The following ZNF804A variants were observed in gnomAD, a reference collection of about 807,000 sequenced individuals.
ZNF804A encodes zinc finger protein 804A.
ZNF804A carries 2 observed loss-of-function variants against 16.5 expected under a neutral mutation model. The observed-to-expected ratio is 0.12, with a 90% CI of 0.05 to 0.38. The LOEUF (loss-of-function observed/expected upper bound fraction) is 0.38, where lower values mean the gene tolerates loss of function less well. Among genes scored for constraint, ZNF804A ranks in the 10% least tolerant of loss-of-function variants. ZNF804A has a pLI of 0.99. For synonymous variants in ZNF804A, 534 were observed against 489.6 expected, an observed-to-expected ratio of 1.09 and a Z score of -1.20; for missense variants, 1,473 against 1,390.7, an observed-to-expected ratio of 1.06 and a Z score of -0.94.
intron 1 of ZNF804A, among the ~76,000 whole-genome samples, chr2:184,640,850 C>A (rs1459467816): frequency 2.6e-5 from 4 of 152,148 alleles, no homozygotes; most frequent in African/African-American, 7.2e-5. Context: ...CATGAAAAAT[C>A]CACAATTTAC....
At chr2:184,925,063 T>C (rs1685588718) in intron 2 of ZNF804A, among the ~76,000 whole-genome samples, 1 of 151,968 alleles carries the variant, frequency 6.6e-6, no homozygotes, top group Non-Finnish European at 1.5e-5. Context: ...TCATTTATAG[T>C]ACAGGTTAAG....
intron 2 of ZNF804A, among the ~76,000 whole-genome samples, chr2:184,930,197 T>C (rs1035475679): frequency 1.3e-5 from 2 of 152,200 alleles, no homozygotes; most frequent in Admixed American, 1.3e-4. Context: ...ACCAAGACCC[T>C]GTATACCTAA....
intron 2 of ZNF804A, among the ~76,000 whole-genome samples, chr2:184,915,131 CAT>C (rs1267131140): frequency 2.6e-5 from 4 of 151,832 alleles, no homozygotes; most frequent in Non-Finnish European, 5.9e-5. Context: ...TGGGAAATAA[CAT>C]ATGGCAGAAA....
chr2:184,929,567 ATC>A lies in ZNF804A; in HGVS notation c.256-4034_256-4033del, dbSNP rs1685663900. ...GATTTTATTAAAAACAGTAAAGTCT[ATC>A]TTTTTGGTTTGTTGACTAGAGCTTT... On this transcript the variant is annotated intron_variant, in intron 2 of 3. Coordinates refer to ENST00000302277, the MANE Select transcript of ZNF804A (RefSeq NM_194250.2). Among the ~76,000 whole-genome samples, 5 of 152,122 alleles carry A rather than the reference ATC, an allele frequency of 3.3e-5. No homozygotes were observed. The South Asian group carries it at 1.0e-3, about 31-fold the overall frequency.
intron 2 of ZNF804A, among the ~76,000 whole-genome samples, chr2:184,926,510 C>T (rs1292179016): frequency 6.6e-6 from 1 of 151,950 alleles, no homozygotes; most frequent in African/African-American, 2.4e-5. Flanking sequence ...TCATGGTGTT[C>T]TATAACCTTC....
intron 1 of ZNF804A, among the ~76,000 whole-genome samples, chr2:184,807,292 T>A (rs1358358139): frequency 1.3e-5 from 2 of 151,886 alleles, no homozygotes; most frequent in East Asian, 3.8e-4. Context: ...AATTATGCTA[T>A]CAACTTGTGA....
chr2:184,898,407 T>C (rs1382133038), intron 2 of ZNF804A, among the ~76,000 whole-genome samples: 1 of 142,422 alleles, frequency 7.0e-6, no homozygotes, highest in Non-Finnish European at 1.5e-5. Context: ...AAAAATTACA[T>C]CACCTGCTTG....
intron 2 of ZNF804A, among the ~76,000 whole-genome samples, chr2:184,901,231 G>GA (rs1049711644): frequency 4.6e-5 from 7 of 151,976 alleles, no homozygotes; most frequent in Admixed American, 2.6e-4. Context: ...GATGTGAATG[G>GA]AAAAAAATAC....
intron 1 of ZNF804A, among the ~76,000 whole-genome samples, chr2:184,710,740 C>A (rs1693112630): frequency 6.6e-6 from 1 of 151,794 alleles, no homozygotes. Flanking sequence ...TTAGATTCCT[C>A]ATATAAATGA....
chr2:184,837,760 C>A (rs1230969314), intron 1 of ZNF804A, among the ~76,000 whole-genome samples: 4 of 152,126 alleles, frequency 2.6e-5, no homozygotes, highest in African/African-American at 7.2e-5. Context: ...GGAATAAGCT[C>A]GTGTATGAAG....
chr2:184,771,856 C>T (rs1188531462), intron 1 of ZNF804A, among the ~76,000 whole-genome samples: 1 of 151,938 alleles, frequency 6.6e-6, no homozygotes, highest in Non-Finnish European at 1.5e-5. Flanking sequence ...AATGTAATCT[C>T]AGGAGTGACA....
chr2:184,672,899 G>A (rs888254800), intron 1 of ZNF804A, among the ~76,000 whole-genome samples: 6 of 151,908 alleles, frequency 3.9e-5, no homozygotes, highest in Admixed American at 6.6e-5. Flanking sequence ...CCGCCACCAC[G>A]CCCAGCTAAT....
Position 184,936,833 on chromosome 2 carries a change from C to T in ZNF804A, c.1437C>T (p.Asp479=). The T allele has an allele frequency of 6.2e-7, 1 of 1,612,570 alleles. No homozygotes were observed. The highest frequency in any genetic ancestry group is 1.1e-5 in the South Asian group (1 of 90,930). ...VNNNLDKNKP[D]LKDLCSQQKQ... is the part of the protein sequence containing the mutation. ...ATAATCTAGATAAAAATAAGCCAGA[C>T]TTAAAAGATCTTTGTTCTCAGCAGA... is the stretch of plus-strand genomic sequence containing the variant. Residue 479 remains aspartate, a synonymous_variant, in exon 4 of 4, where the codon GAC becomes GAT. Coordinates refer to ENST00000302277, the MANE Select transcript of ZNF804A (RefSeq NM_194250.2).
chr2:184,825,281 CAG>C (rs1017491206), intron 1 of ZNF804A, among the ~76,000 whole-genome samples: 5 of 151,988 alleles, frequency 3.3e-5, no homozygotes, highest in African/African-American at 1.2e-4. Context: ...AGGGACTAAA[CAG>C]AATAAACTAT....
chr2:184,840,254 G>A (rs1322407956), intron 1 of ZNF804A, among the ~76,000 whole-genome samples: 1 of 152,092 alleles, frequency 6.6e-6, no homozygotes, highest in Non-Finnish European at 1.5e-5. Context: ...CCTGGACATG[G>A]TGGCACCCAC....
intron 1 of ZNF804A, among the ~76,000 whole-genome samples, chr2:184,635,430 T>C (rs1362434377): frequency 6.6e-6 from 1 of 152,118 alleles, no homozygotes; most frequent in African/African-American, 2.4e-5. Context: ...AAGATATTAT[T>C]ATCAACTTGC....
chr2:184,725,186 A>T (rs1411894075), intron 1 of ZNF804A, among the ~76,000 whole-genome samples: 1 of 151,616 alleles, frequency 6.6e-6, no homozygotes, highest in Non-Finnish European at 1.5e-5. Flanking sequence ...ACCTCCTATA[A>T]GAAGAGAATA....
chr2:184,715,578 T>G (rs1415713749), intron 1 of ZNF804A, among the ~76,000 whole-genome samples: 1 of 151,934 alleles, frequency 6.6e-6, no homozygotes, highest in African/African-American at 2.4e-5. Flanking sequence ...ATTTTTTAAT[T>G]CTGGTAGTGA....
chr2:184,783,844 T>TCCTTCATGCCTAAA (rs914497683), intron 1 of ZNF804A, among the ~76,000 whole-genome samples: 1 of 152,000 alleles, frequency 6.6e-6, no homozygotes, highest in Admixed American at 6.6e-5. Context: ...CATGAAGGTA[T>TCCTTCATGCCTAAA]CCTTGTTTGT....
Sources: allele counts gnomAD v4.1 joint callset (sites outside exome capture counted in the v4.1 genomes callset), GRCh38; gene constraint gnomAD v4.1.1; transcripts MANE v1.5; gene names NCBI Gene and HGNC (gene_info 2026-07-23, HGNC 2026-07-21).